The following AHCYL2 variants were observed in gnomAD, a reference collection of about 807,000 sequenced individuals.
AHCYL2 encodes the protein adenosylhomocysteinase like 2.
In AHCYL2, 28 loss-of-function variants were observed where a neutral mutation model predicts 81.4. The observed-to-expected ratio is 0.34, with a 90% confidence interval of 0.25 to 0.47. The LOEUF is 0.47. Among genes scored for constraint, AHCYL2 ranks in the 20% least tolerant of loss-of-function variants. The pLI is 1.00. For missense variants in AHCYL2, 551 were observed against 785.1 expected, an observed-to-expected ratio of 0.70 and a Z score of 3.56; for synonymous variants, 272 against 290.2, an observed-to-expected ratio of 0.94 and a Z score of 0.64.
At chr7:129,246,588 C>T (rs755684586) in intron 1 of AHCYL2, among the ~76,000 whole-genome samples, 1 of 152,134 alleles carries the variant, frequency 6.6e-6, no homozygotes, top group Non-Finnish European at 1.5e-5. Context: ...GTCTTGATCT[C>T]CTACGCTCAA....
Position 129,368,281 on chromosome 7 carries a change from T to C in AHCYL2, c.364-11357T>C. ...GATTTTGAAATCAGACACAGAAGGC[T>C]TTGAAGCCGGCCAGTAAGGGGTTGT... On this transcript the variant is annotated intron_variant, in intron 1 of 16. Coordinates refer to ENST00000325006, the MANE Select transcript of AHCYL2 (RefSeq NM_015328.4). The surrounding 1 kb of genome is among the most constrained non-coding windows in gnomAD (Gnocchi z 4.4). 1 of 1,418,236 alleles carries C rather than the reference T, an allele frequency of 7.1e-7. No homozygotes were observed. Among genetic ancestry groups the C allele is most frequent in the Non-Finnish European group, 9.2e-7 (1 of 1,087,732 alleles). The allele number at this position is 1,418,236 out of a possible 1,614,324, so 87.9% of individuals were successfully genotyped here.
At chr7:129,332,871 G>A (rs1798470711) in intron 1 of AHCYL2, among the ~76,000 whole-genome samples, 1 of 152,194 alleles carries the variant, frequency 6.6e-6, no homozygotes, top group African/African-American at 2.4e-5. Flanking sequence ...GGTAGAAATT[G>A]AGGGAAGAGA....
At chr7:129,250,802 T>G (rs1190439122) in intron 1 of AHCYL2, among the ~76,000 whole-genome samples, 1 of 152,196 alleles carries the variant, frequency 6.6e-6, no homozygotes, top group Non-Finnish European at 1.5e-5. Context: ...GCTATAAGAT[T>G]AAAAATCCCT....
At chr7:129,354,702 T>C (rs1223591672) in intron 1 of AHCYL2, among the ~76,000 whole-genome samples, 1 of 152,224 alleles carries the variant, frequency 6.6e-6, no homozygotes, top group Admixed American at 6.5e-5. Flanking sequence ...TAGATTGAAC[T>C]TCCTTCCACT....
intron 2 of AHCYL2, among the ~76,000 whole-genome samples, chr7:129,387,298 T>C (rs1795246412): frequency 6.6e-6 from 1 of 152,222 alleles, no homozygotes; most frequent in Non-Finnish European, 1.5e-5. Context: ...TAGTACATAA[T>C]AGATGCATAA....
At chr7:129,310,885 A>G (rs1188270878) in intron 1 of AHCYL2, among the ~76,000 whole-genome samples, 1 of 152,044 alleles carries the variant, frequency 6.6e-6, no homozygotes, top group Non-Finnish European at 1.5e-5. Context: ...TGATGTGGGC[A>G]TATCACTTTG....
chr7:129,236,699 G>A (rs1381792865), intron 1 of AHCYL2, among the ~76,000 whole-genome samples: 2 of 152,126 alleles, frequency 1.3e-5, no homozygotes, highest in Non-Finnish European at 2.9e-5. Context: ...ATCAGCTAAC[G>A]ATACACGAAA....
At chr7:129,379,869 C>T (rs1333204528) in intron 2 of AHCYL2, 120 bp downstream of exon 2, 13 of 685,868 alleles carry the variant, frequency 1.9e-5, no homozygotes, top group African/African-American at 7.4e-5. Flanking sequence ...ATAAATACTT[C>T]GAGTCAAAAT....
rs544708567 is a variant in AHCYL2, at chr7:129,330,424, G to A, written c.364-49214G>A. Reference sequence around the variant, plus strand: ...TCCAGTCTTTCAAAAGAATGATACAGATCTATATATTTGGACATGGAAAGG... The same window carrying A: ...TCCAGTCTTTCAAAAGAATGATACAAATCTATATATTTGGACATGGAAAGG... On this transcript the variant is annotated intron_variant, in intron 1 of 16. Transcript: ENST00000325006. 2.0e-5 allele frequency among the ~76,000 whole-genome samples: 3 copies of A among 151,384 alleles called. No individual in the cohort carries two copies. In the East Asian group the frequency reaches 5.8e-4, roughly 29 times the overall value.
At chr7:129,246,980 T>G (rs6942756) in intron 1 of AHCYL2, among the ~76,000 whole-genome samples, 37,946 of 152,132 alleles carry the variant, frequency 0.25, 4,872 homozygotes, top group East Asian at 0.42. Flanking sequence ...TGATGGACAT[T>G]TAGATTATAT....
Position 129,406,429 on chromosome 7 carries a change from G to T in AHCYL2, c.1258G>T (p.Val420Leu). Residue 420 changes from valine (V) to leucine (L), a missense_variant, in exon 10 of 17, where the codon GTA (valine) becomes TTA (leucine). This residue lies in a region of AHCYL2 where 316 missense variants were observed against 543.1 expected (regional missense o/e 0.58). Coordinates refer to ENST00000325006, the MANE Select transcript of AHCYL2 (RefSeq NM_015328.4). The surrounding 1 kb of genome is among the most constrained non-coding windows in gnomAD (Gnocchi z 4.3). The stretch of plus-strand genomic sequence containing the variant: ...GAAAGCCATGGGCTCCATTGTGTAT[G>T]TAACTGAAATTGACCCCATCTGTGC... ...ALKAMGSIVY[V>L]TEIDPICALQ... The T allele has an allele frequency of 1.9e-6, 3 of 1,614,040 alleles. No homozygotes were observed. The highest frequency in any genetic ancestry group is 1.7e-6 in the Non-Finnish European group (2 of 1,180,008).
intron 12 of AHCYL2, among the ~76,000 whole-genome samples, chr7:129,420,229 C>G (rs1184124046): frequency 6.6e-6 from 1 of 152,162 alleles, no homozygotes; most frequent in Non-Finnish European, 1.5e-5. Flanking sequence ...AGGAATACTT[C>G]CAAAGATGGG....
intron 1 of AHCYL2, among the ~76,000 whole-genome samples, chr7:129,265,089 A>G (rs1466888796): frequency 2.6e-5 from 4 of 152,226 alleles, no homozygotes; most frequent in Non-Finnish European, 4.4e-5. Flanking sequence ...ATAAAGAAAT[A>G]TAGAGAGAAA....
At chr7:129,343,234 A>G (rs1429065692) in intron 1 of AHCYL2, among the ~76,000 whole-genome samples, 1 of 152,148 alleles carries the variant, frequency 6.6e-6, no homozygotes, top group Non-Finnish European at 1.5e-5. Flanking sequence ...TTAAAAGCTC[A>G]TCTTTCTTGC....
intron 7 of AHCYL2, among the ~76,000 whole-genome samples, chr7:129,404,542 G>C (rs913519229): frequency 6.6e-6 from 1 of 152,178 alleles, no homozygotes; most frequent in Non-Finnish European, 1.5e-5. Flanking sequence ...GAGTGTGGTG[G>C]CGGGCGCCTA....
chr7:129,293,228 G>C lies in AHCYL2; in HGVS notation c.363+67789G>C, dbSNP rs1164492138. On this transcript the variant is annotated intron_variant, in intron 1 of 16. Coordinates refer to ENST00000325006, the MANE Select transcript of AHCYL2 (RefSeq NM_015328.4). ...TTGCGGAAAAGGAATTTTTAAAAAA[G>C]GAAGCTAAGAAATAATAAATGCTAA... Among the ~76,000 whole-genome samples, 3 of 152,030 alleles carry C rather than the reference G, an allele frequency of 2.0e-5. No individual in the cohort carries two copies. In the East Asian group the frequency reaches 5.8e-4, roughly 29 times the overall value.
chr7:129,400,456 A>G (rs917409648), intron 6 of AHCYL2, 72 bp downstream of exon 6: 4 of 1,409,538 alleles, frequency 2.8e-6, no homozygotes, highest in Admixed American at 3.8e-5. Flanking sequence ...ATGGCCTAGG[A>G]GAGGGTTTCC....
At chr7:129,256,465 T>A (rs1244102828) in intron 1 of AHCYL2, among the ~76,000 whole-genome samples, 1 of 151,526 alleles carries the variant, frequency 6.6e-6, no homozygotes, top group African/African-American at 2.4e-5. Context: ...AATACTTATA[T>A]CCTTTTGAAA....
chr7:129,330,423 A>G (rs1798376191), intron 1 of AHCYL2, among the ~76,000 whole-genome samples: 1 of 152,156 alleles, frequency 6.6e-6, no homozygotes, highest in African/African-American at 2.4e-5. Context: ...AGAATGATAC[A>G]GATCTATATA....
Sources: allele counts gnomAD v4.1 joint callset (sites outside exome capture counted in the v4.1 genomes callset), GRCh38; gene constraint gnomAD v4.1.1; regional missense constraint gnomAD v4.1.1; non-coding constraint Gnocchi (gnomAD v3.1); transcripts MANE v1.5; gene names NCBI Gene and HGNC (gene_info 2026-07-23, HGNC 2026-07-21).